Variants in SYN3 observed in about 807,000 individuals in gnomAD.
SYN3 encodes synapsin III, also known as synapsin-3.
In SYN3, 35 loss-of-function variants were observed where a neutral mutation model predicts 65.8. The ratio of observed to expected loss-of-function variants is 0.53; its 90% CI spans 0.41 to 0.70. SYN3 has a LOEUF of 0.70. Among genes scored for constraint, SYN3 ranks in the 30% least tolerant of loss-of-function variants. The pLI, the probability that SYN3 is intolerant of heterozygous loss-of-function variation, is 0.00. For missense variants in SYN3, 680 were observed against 749.0 expected, an observed-to-expected ratio of 0.91 and a Z score of 1.08; for synonymous variants, 270 against 292.9, an observed-to-expected ratio of 0.92 and a Z score of 0.80.
At chr22:32,764,971 T>C (rs542931390) in intron 6 of SYN3, among the ~76,000 whole-genome samples, 1 of 152,174 alleles carries the variant, frequency 6.6e-6, no homozygotes, top group Non-Finnish European at 1.5e-5. Flanking sequence ...AGGCAGGAAG[T>C]TGTTCCCCAC....
At chr22:32,598,557 C>T (rs1296340488) in intron 6 of SYN3, among the ~76,000 whole-genome samples, 1 of 152,138 alleles carries the variant, frequency 6.6e-6, no homozygotes, top group African/African-American at 2.4e-5. Flanking sequence ...ACGATCTTGG[C>T]CCACTGTAAT....
At chr22:32,613,950 C>T (rs549748955) in intron 6 of SYN3, among the ~76,000 whole-genome samples, 15 of 152,304 alleles carry the variant, frequency 9.8e-5, no homozygotes, top group African/African-American at 2.9e-4. Context: ...AGACCACCTG[C>T]GCTTGAATCT....
chr22:33,017,004 C>T (rs952485772), intron 1 of SYN3, among the ~76,000 whole-genome samples: 2 of 152,142 alleles, frequency 1.3e-5, no homozygotes, highest in African/African-American at 2.4e-5. Flanking sequence ...ATGGAATTTT[C>T]CCCCTTTGTT....
intron 1 of SYN3, among the ~76,000 whole-genome samples, chr22:33,036,770 C>T (rs898997412): frequency 1.2e-4 from 18 of 150,518 alleles, no homozygotes; most frequent in African/African-American, 2.0e-4. Context: ...CGGCCCACCA[C>T]AACCTCCGCC....
chr22:33,057,905 G>C (rs1379124043), intron 1 of SYN3: 1 of 152,442 alleles, frequency 6.6e-6, no homozygotes, highest in African/African-American at 2.4e-5. Context: ...GGTCCTAGGA[G>C]CCGGCGCAGA....
Position 32,832,938 on chromosome 22 carries a change from G to T in SYN3, c.711+31977C>A, listed in dbSNP as rs148147114. ...CGTAGAGACAGGGTTTTACCTTGTT[G>T]CCCAGGCTGGTCTCGCACTCCTGAG... On this transcript the variant is annotated intron_variant, in intron 6 of 13. Coordinates refer to ENST00000358763, the MANE Select transcript of SYN3 (RefSeq NM_003490.4). Among the ~76,000 whole-genome samples, 863 of 152,046 alleles carry T rather than the reference G, an allele frequency of 5.7e-3. 12 individuals carry two copies. Among genetic ancestry groups the T allele is most frequent in the African/African-American group, 0.02 (824 of 41,458 alleles).
chr22:32,876,595 TAAA>T (rs34952677), intron 4 of SYN3, among the ~76,000 whole-genome samples: 9 of 139,220 alleles, frequency 6.5e-5, no homozygotes, highest in African/African-American at 7.9e-5. Flanking sequence ...CCTGCATTGT[TAAA>T]AAAAAAAAAA....
chr22:32,785,730 T>G lies in SYN3; in HGVS notation c.711+79185A>C, dbSNP rs369687213. On this transcript the variant is annotated intron_variant, in intron 6 of 13. Transcript: ENST00000358763. Reference sequence around the variant, plus strand: ...TCCACATCCCACAAGTTACTCTGTCTTATCATCTTCATTGCACTCATGGCC... The same window carrying G: ...TCCACATCCCACAAGTTACTCTGTCGTATCATCTTCATTGCACTCATGGCC... Among the ~76,000 whole-genome samples, 4 of 152,306 alleles carry G rather than the reference T, an allele frequency of 2.6e-5. No homozygotes were observed. In the East Asian group the frequency reaches 7.7e-4, roughly 29 times the overall value.
At chr22:32,822,745 G>A (rs1226234035) in intron 6 of SYN3, among the ~76,000 whole-genome samples, 1 of 152,194 alleles carries the variant, frequency 6.6e-6, no homozygotes, top group Non-Finnish European at 1.5e-5. Flanking sequence ...AAGGAGGTGG[G>A]TGTGGCCCTC....
At chr22:32,939,375 A>C (rs899391846) in intron 3 of SYN3, among the ~76,000 whole-genome samples, 1 of 152,080 alleles carries the variant, frequency 6.6e-6, no homozygotes, top group African/African-American at 2.4e-5. Flanking sequence ...TTGAAAAGGA[A>C]ATATAGATAA....
In SYN3 at chr22:32,510,265, G is replaced by A. The variant is rs1270145806; in HGVS notation, c.*3427C>T. 6.6e-6 allele frequency among the ~76,000 whole-genome samples: 1 copy of A among 152,182 alleles called. No individual in the cohort carries two copies. Among genetic ancestry groups the A allele is most frequent in the Non-Finnish European group, 1.5e-5 (1 of 68,022 alleles). Reference sequence around the variant, plus strand: ...TCACATCAAAGTGCATTCAAAGTGGGGAGATTGACAAAGATGCAGGTTCTG... The same window carrying A: ...TCACATCAAAGTGCATTCAAAGTGGAGAGATTGACAAAGATGCAGGTTCTG... On this transcript the variant is annotated 3_prime_UTR_variant, in exon 14 of 14. Transcript: ENST00000358763.
intron 6 of SYN3, among the ~76,000 whole-genome samples, chr22:32,765,164 A>G (rs929015): frequency 0.78 from 119,167 of 152,014 alleles, 47,557 homozygotes; most frequent in African/African-American, 0.94. Flanking sequence ...AGGGCCAGAG[A>G]GGCAGTGGTG....
In SYN3 at chr22:32,540,553, G is replaced by A. The variant is rs117245025; in HGVS notation, c.917+1018C>T. ...CAGAGTGAAAGATAGAGAGGGCTTG[G>A]AGCAAAGACCTCTCCCAAGAACGAG... On this transcript the variant is annotated intron_variant, in intron 8 of 13. Transcript: ENST00000358763. Among the ~76,000 whole-genome samples the A allele has an allele frequency of 2.0e-3, 308 of 152,306 alleles. 9 individuals carry two copies. The East Asian group carries it at 0.05, about 25-fold the overall frequency.
At chr22:32,557,720 G>A (rs1363053737) in intron 7 of SYN3, among the ~76,000 whole-genome samples, 1 of 152,316 alleles carries the variant, frequency 6.6e-6, no homozygotes, top group African/African-American at 2.4e-5. Flanking sequence ...GTGTTCACCC[G>A]GTGCCTTTCC....
At chr22:32,617,105 C>A (rs1174598306) in intron 6 of SYN3, among the ~76,000 whole-genome samples, 1 of 152,190 alleles carries the variant, frequency 6.6e-6, no homozygotes, top group African/African-American at 2.4e-5. Context: ...GGCAGACATA[C>A]AATCACTACG....
intron 4 of SYN3, among the ~76,000 whole-genome samples, chr22:32,874,193 T>A (rs1378949821): frequency 2.6e-5 from 4 of 152,158 alleles, no homozygotes; most frequent in Non-Finnish European, 5.9e-5. Flanking sequence ...CTTCCTTCTC[T>A]TCCTGCCGTA....
At chr22:32,765,892 G>T (rs1324885988) in intron 6 of SYN3, among the ~76,000 whole-genome samples, 6 of 152,188 alleles carry the variant, frequency 3.9e-5, no homozygotes, top group Non-Finnish European at 7.3e-5. Flanking sequence ...CTGAGATGGA[G>T]AACTTATAGA....
At chr22:32,921,156 T>G (rs2050325024) in intron 4 of SYN3, among the ~76,000 whole-genome samples, 1 of 152,156 alleles carries the variant, frequency 6.6e-6, no homozygotes, top group African/African-American at 2.4e-5. Flanking sequence ...GAATTCTGTC[T>G]TTTGCCTGGT....
chr22:32,560,283 T>C (rs2058568425), intron 7 of SYN3, among the ~76,000 whole-genome samples: 1 of 152,258 alleles, frequency 6.6e-6, no homozygotes, highest in Admixed American at 6.5e-5. Flanking sequence ...CTCTAAAGCC[T>C]GCCTCCTTCT....
Sources: gnomAD v4.1 joint callset for allele counts (sites outside exome capture counted in the v4.1 genomes callset) on GRCh38, gnomAD v4.1.1 for gene constraint, MANE v1.5 for transcripts, NCBI Gene and HGNC (gene_info 2026-07-23, HGNC 2026-07-21) for gene names.